Variants in ABI3BP observed in about 807,000 individuals in gnomAD.
ABI3BP encodes the protein target of Nesh-SH3.
In ABI3BP, 216 loss-of-function variants were observed where a neutral mutation model predicts 268.6. The ratio of observed to expected loss-of-function variants is 0.80; its 90% CI spans 0.72 to 0.90. The LOEUF (loss-of-function observed/expected upper bound fraction) is 0.90. ABI3BP is among the 40% of genes least tolerant of loss of function. The pLI is 0.00. For synonymous variants in ABI3BP, 730 were observed against 730.0 expected, an observed-to-expected ratio of 1.00 and a Z score of 0.00; for missense variants, 2,090 against 2,182.4, an observed-to-expected ratio of 0.96 and a Z score of 0.84.
At chr3:100,838,150 T>C in intron 26 of ABI3BP, 60 bp downstream of exon 26, 8 of 1,459,892 alleles carry the variant, frequency 5.5e-6, no homozygotes, top group Non-Finnish European at 7.4e-6. Context: ...ATTGGAAACA[T>C]TTTCAGCAAT....
At chr3:100,807,374 G>A (rs900823650) in intron 50 of ABI3BP, among the ~76,000 whole-genome samples, 2 of 151,356 alleles carry the variant, frequency 1.3e-5, no homozygotes, top group Non-Finnish European at 2.9e-5. Flanking sequence ...ATTATTTGGG[G>A]GAATATTGCC....
chr3:100,849,940 G>T, intron 17 of ABI3BP, 105 bp downstream of exon 17: 2 of 924,650 alleles, frequency 2.2e-6, no homozygotes, highest in Non-Finnish European at 3.4e-6. Flanking sequence ...GAAATATTTA[G>T]CAAAAACAAA....
rs922319012 is a variant in ABI3BP, at chr3:100,838,471, A to C, written c.1946-7T>G. ...CTCTCAGATGGTTTTGAGGCTAAAGAAAAAGGTATTAAAATTACCACAATG... is the reference window on the plus strand; with the variant it reads ...CTCTCAGATGGTTTTGAGGCTAAAGCAAAAGGTATTAAAATTACCACAATG... On this transcript the variant is annotated splice_region_variant and splice_polypyrimidine_tract_variant and intron_variant, in intron 24 of 67. Transcript: ENST00000471714. The C allele has an allele frequency of 5.9e-5, 91 of 1,534,356 alleles. No homozygotes were observed. The highest frequency in any genetic ancestry group is 7.9e-5 in the Non-Finnish European group (90 of 1,145,582).
chr3:100,936,153 CA>C (rs2066028878), intron 1 of ABI3BP, among the ~76,000 whole-genome samples: 2 of 151,420 alleles, frequency 1.3e-5, no homozygotes, highest in Non-Finnish European at 3.0e-5. Flanking sequence ...TATGTTCCAT[CA>C]ATGCCTAGTT....
chr3:100,948,826 C>A (rs568565586), intron 1 of ABI3BP, among the ~76,000 whole-genome samples: 4 of 152,218 alleles, frequency 2.6e-5, no homozygotes, highest in Non-Finnish European at 5.9e-5. Flanking sequence ...GGTTGAGCAT[C>A]ACAAATCCAA....
rs1375175163 is a variant in ABI3BP, at chr3:100,823,479, G to T, written c.2782C>A (p.Pro928Thr). The change falls in exon 37 of 68, where the codon CCT becomes ACT. Residue 928 changes from proline (P) to threonine (T), a missense_variant. Transcript: ENST00000471714. Reference sequence around the variant, plus strand: ...TTACCTAATGTTGTTGAGGCCTCAGGTCTAAGAGTGACAGGTTCTAGGACT... The same window carrying T: ...TTACCTAATGTTGTTGAGGCCTCAGTTCTAAGAGTGACAGGTTCTAGGACT... ...ATVLEPVTLR[P>T]EASTTLASKT... 1 of 1,534,948 alleles carries T rather than the reference G, an allele frequency of 6.5e-7. No homozygotes were observed. Among genetic ancestry groups the T allele is most frequent in the East Asian group, 2.4e-5 (1 of 40,850 alleles).
At chr3:100,823,596 G>A in intron 36 of ABI3BP, 82 bp from the exon 37 acceptor site, 4 of 1,026,712 alleles carry the variant, frequency 3.9e-6, no homozygotes, top group Non-Finnish European at 5.6e-6. Flanking sequence ...AATTTTACTG[G>A]TATGTCAATT....
Position 100,822,578 on chromosome 3 carries a change from A to G in ABI3BP, c.2887+11T>C, listed in dbSNP as rs1429133384. ...TGCAGGGACTCTTTAAACCAGGAAC[A>G]CATAGTTTACCTGGTTTGGATTCAG... is the stretch of plus-strand genomic sequence containing the variant. On this transcript the variant is annotated intron_variant, in intron 38 of 67. Transcript: ENST00000471714. 3.3e-6 allele frequency: 5 copies of G among 1,535,658 alleles called. No individual in the cohort carries two copies. In the South Asian group the frequency reaches 4.8e-5, roughly 15 times the overall value.
intron 51 of ABI3BP, among the ~76,000 whole-genome samples, chr3:100,797,562 GTTTTTTT>G: frequency 7.7e-6 from 1 of 129,700 alleles, no homozygotes; most frequent in Middle Eastern, 4.2e-3. Context: ...TGAAGAAACT[GTTTTTTT>G]TTTTTTTTTT....
At chr3:100,756,475 T>TG (rs2095623310) in intron 63 of ABI3BP, among the ~76,000 whole-genome samples, 1 of 152,058 alleles carries the variant, frequency 6.6e-6, no homozygotes, top group Non-Finnish European at 1.5e-5. Context: ...CACACACACA[T>TG]GGGGTATTTT....
chr3:100,992,629 T>C (rs1287481150), intron 1 of ABI3BP, among the ~76,000 whole-genome samples: 2 of 152,228 alleles, frequency 1.3e-5, no homozygotes, highest in African/African-American at 4.8e-5. Context: ...TGGTTTCTGA[T>C]GGGCTCAAAG....
chr3:100,923,822 CT>C (rs60880220), intron 2 of ABI3BP, among the ~76,000 whole-genome samples: 2,088 of 152,190 alleles, frequency 0.014, 45 homozygotes, highest in African/African-American at 0.047. Flanking sequence ...AATAATAGAT[CT>C]GGGCAATTAT....
chr3:100,916,877 T>C (rs952867148), intron 2 of ABI3BP, among the ~76,000 whole-genome samples: 2 of 152,208 alleles, frequency 1.3e-5, no homozygotes, highest in Non-Finnish European at 2.9e-5. Context: ...TGCTAAGAAT[T>C]CTAGGCTTTC....
At chr3:100,938,297 AG>A (rs1188167133) in intron 1 of ABI3BP, among the ~76,000 whole-genome samples, 1 of 133,402 alleles carries the variant, frequency 7.5e-6, no homozygotes, top group Non-Finnish European at 1.6e-5. Context: ...TGAACCTAAA[AG>A]TTAAAAAAAA....
chr3:100,954,601 T>G (rs961803038), intron 1 of ABI3BP, among the ~76,000 whole-genome samples: 4 of 152,240 alleles, frequency 2.6e-5, no homozygotes, highest in Admixed American at 2.6e-4. Flanking sequence ...TGACAGGTAC[T>G]TTACAATATA....
chr3:100,954,002 T>G (rs1375766244), intron 1 of ABI3BP, among the ~76,000 whole-genome samples: 1 of 152,156 alleles, frequency 6.6e-6, no homozygotes, highest in Non-Finnish European at 1.5e-5. Context: ...GATTAGCTCT[T>G]AGGATGAACT....
intron 51 of ABI3BP, among the ~76,000 whole-genome samples, chr3:100,799,896 A>G (rs1560209098): frequency 6.6e-6 from 1 of 152,166 alleles, no homozygotes; most frequent in Admixed American, 6.6e-5. Context: ...AACATCTTCA[A>G]CCATCAGTTA....
intron 6 of ABI3BP, among the ~76,000 whole-genome samples, chr3:100,880,518 G>T (rs748498712): frequency 6.6e-6 from 1 of 152,168 alleles, no homozygotes; most frequent in South Asian, 2.1e-4. Flanking sequence ...TATGCCTTGA[G>T]CAGAAGTCTG....
chr3:100,844,784 G>T (rs1052343402), intron 20 of ABI3BP, among the ~76,000 whole-genome samples: 1 of 152,152 alleles, frequency 6.6e-6, no homozygotes, highest in Admixed American at 6.5e-5. Flanking sequence ...AGGAAAAGGG[G>T]TGGATTTTCT....
Sources: allele counts gnomAD v4.1 joint callset (sites outside exome capture counted in the v4.1 genomes callset), GRCh38; gene constraint gnomAD v4.1.1; transcripts MANE v1.5; gene names NCBI Gene and HGNC (gene_info 2026-07-23, HGNC 2026-07-21).